Variants in GPRC6A observed in about 807,000 individuals in gnomAD.
GPRC6A encodes G protein-coupled receptor class C group 6 member A.
A neutral mutation model predicts 47.0 loss-of-function variants in GPRC6A; 54 were observed. The observed-to-expected ratio is 1.15, with a 90% confidence interval of 0.92 to 1.44. GPRC6A has a LOEUF of 1.44. Ranked by LOEUF, GPRC6A falls within the 40% of genes most tolerant of loss-of-function variation. The probability of loss-of-function intolerance (pLI) is 0.00; values close to 1 mark genes in which losing one functional copy is unlikely to be tolerated. For synonymous variants in GPRC6A, 347 were observed against 377.1 expected, an observed-to-expected ratio of 0.92 and a Z score of 0.93; for missense variants, 1,112 against 1,105.5, an observed-to-expected ratio of 1.01 and a Z score of -0.08.
In GPRC6A at chr6:116,807,114, T is replaced by C; in HGVS notation, c.591A>G (p.Lys197=). 2 of 1,613,710 alleles carry C rather than the reference T, an allele frequency of 1.2e-6. No individual in the cohort carries two copies. The highest frequency in any genetic ancestry group is 1.7e-6 in the Non-Finnish European group (2 of 1,179,718). Reference sequence around the variant, plus strand: ...ATTTCTGAATCAGGTGAGCCATTGCTTTAATTTGATGGAAGTCACTGGGCA... The same window carrying C: ...ATTTCTGAATCAGGTGAGCCATTGCCTTAATTTGATGGAAGTCACTGGGCA... ...RTVPSDFHQI[K]AMAHLIQKSG... The change falls in exon 3 of 6, where the codon AAA becomes AAG. Residue 197 remains lysine, a synonymous_variant. Transcript: ENST00000310357.
intron 5 of GPRC6A, 117 bp downstream of exon 5, chr6:116,795,595 A>G (rs1370607686): frequency 1.3e-6 from 1 of 748,166 alleles, no homozygotes; most frequent in African/African-American, 1.8e-5. Context: ...ATTTCACAGG[A>G]GCATGGGAAG....
chr6:116,796,465 G>C (rs1512657), intron 4 of GPRC6A, among the ~76,000 whole-genome samples: 112,264 of 152,004 alleles, frequency 0.74, 41,671 homozygotes, highest in Middle Eastern at 0.84. Context: ...TTATGGAACC[G>C]TAGCTGGTAA....
chr6:116,804,997 AG>A (rs1265485833), intron 3 of GPRC6A, among the ~76,000 whole-genome samples: 4 of 152,036 alleles, frequency 2.6e-5, no homozygotes, highest in East Asian at 3.9e-4. Context: ...CCAGGCCAAA[AG>A]CCTTGAAATA....
chr6:116,829,018 C>T lies in GPRC6A; in HGVS notation c.-5G>A, dbSNP rs748438281. The T allele has an allele frequency of 3.0e-5, 49 of 1,608,286 alleles. No homozygotes were observed. Among genetic ancestry groups the T allele is most frequent in the Non-Finnish European group, 4.1e-5 (48 of 1,176,844 alleles). On this transcript the variant is annotated 5_prime_UTR_variant, in exon 1 of 6. The change abolishes the stop of an existing upstream ORF in the 5' untranslated region. Transcript: ENST00000310357. ...TAGTATAATTAAGAATGCCATGTTTCTATCTCATTTGCTCAGTTCATGTGA... is the reference window on the plus strand; with the variant it reads ...TAGTATAATTAAGAATGCCATGTTTTTATCTCATTTGCTCAGTTCATGTGA...
chr6:116,792,771 T>C lies in GPRC6A; in HGVS notation c.2152A>G (p.Ile718Val). The C allele has an allele frequency of 6.2e-7, 1 of 1,613,976 alleles. No homozygotes were observed. The highest frequency in any genetic ancestry group is 8.5e-7 in the Non-Finnish European group (1 of 1,179,958). The change falls in exon 6 of 6, where the codon ATT becomes GTT. Residue 718 changes from isoleucine to valine, a missense_variant. Coordinates refer to ENST00000310357, the MANE Select transcript of GPRC6A (RefSeq NM_148963.4). ...IFTCTGIQVV[I>V]CTLWLIFAAP... ...GCAAAGATTAGCCAGAGTGTGCAAATGACAACCTGGATGCCCGTGCAAGTG... is the reference window on the plus strand; with the variant it reads ...GCAAAGATTAGCCAGAGTGTGCAAACGACAACCTGGATGCCCGTGCAAGTG...
intron 1 of GPRC6A, among the ~76,000 whole-genome samples, chr6:116,816,906 A>G (rs1379581344): frequency 6.6e-6 from 1 of 152,150 alleles, no homozygotes; most frequent in Non-Finnish European, 1.5e-5. Context: ...AATCTCACTG[A>G]TTGCTAGCAC....
At chr6:116,795,918 G>C in intron 4 of GPRC6A, 83 bp from the exon 5 acceptor site, 1 of 885,516 alleles carries the variant, frequency 1.1e-6, no homozygotes, top group South Asian at 2.1e-5. Context: ...TTAACTTAAA[G>C]ATATATTTAC....
chr6:116,828,463 A>G (rs1773739310), intron 1 of GPRC6A, among the ~76,000 whole-genome samples: 1 of 152,156 alleles, frequency 6.6e-6, no homozygotes, highest in Non-Finnish European at 1.5e-5. Flanking sequence ...ATCTGTGTTT[A>G]AAACAAAATA....
At chr6:116,804,421 T>A (rs1398828818) in intron 3 of GPRC6A, among the ~76,000 whole-genome samples, 2 of 152,252 alleles carry the variant, frequency 1.3e-5, no homozygotes, top group Admixed American at 6.5e-5. Flanking sequence ...TCCTTAAGAA[T>A]GTATCATTGA....
At position 116,807,029 on chromosome 6, in the gene GPRC6A, TA is replaced by T. The variant is rs1398700381; in HGVS notation, c.675del (p.Asn226ThrfsTer4). On this transcript the variant is annotated frameshift_variant, in exon 3 of 6. Coordinates refer to ENST00000310357, the MANE Select transcript of GPRC6A (RefSeq NM_148963.4). LOFTEE classifies it high-confidence loss of function. ...GCTTCAGCCTGAATTATAAAAGTGT[TA>T]AGAGCCAATCGTCCATAGTCATCAT... The part of the protein sequence containing the change: ...TTDDDYGRLA[L>X]NTFIIQAEAN... 1 of 1,613,646 alleles carries T rather than the reference TA, an allele frequency of 6.2e-7. No homozygotes were observed. Among genetic ancestry groups the T allele is most frequent in the Non-Finnish European group, 8.5e-7 (1 of 1,179,816 alleles).
intron 1 of GPRC6A, among the ~76,000 whole-genome samples, chr6:116,814,838 C>T (rs1165144697): frequency 6.6e-6 from 1 of 151,906 alleles, no homozygotes; most frequent in African/African-American, 2.4e-5. Context: ...AAGAAATGCA[C>T]TTTACATATA....
At chr6:116,813,943 G>C (rs983568550) in intron 1 of GPRC6A, among the ~76,000 whole-genome samples, 1 of 152,126 alleles carries the variant, frequency 6.6e-6, no homozygotes, top group East Asian at 1.9e-4. Flanking sequence ...AGTGGGTGAA[G>C]GATATGAACA....
intron 5 of GPRC6A, among the ~76,000 whole-genome samples, chr6:116,794,085 T>C (rs901023933): frequency 6.6e-6 from 1 of 152,198 alleles, no homozygotes; most frequent in Non-Finnish European, 1.5e-5. Context: ...GAAGTGATAT[T>C]ACATTTGCTC....
In GPRC6A at chr6:116,792,507, ATGTGG is replaced by A. The variant is rs767181113; in HGVS notation, c.2411_2415del (p.Thr804IlefsTer17). On this transcript the variant is annotated frameshift_variant, in exon 6 of 6. Transcript: ENST00000310357. LOFTEE classifies it low-confidence loss of function (END_TRUNC). ...TCCACAGCTGGTACATATTTGCCAA[ATGTGG>A]TAGCATAGATAGGGATGAATGTGAT... is the stretch of plus-strand genomic sequence containing the variant. The A allele has an allele frequency of 6.2e-7, 1 of 1,613,870 alleles. No homozygotes were observed. The highest frequency in any genetic ancestry group is 8.5e-7 in the Non-Finnish European group (1 of 1,179,838).
At chr6:116,819,774 C>T (rs976412903) in intron 1 of GPRC6A, among the ~76,000 whole-genome samples, 53 of 151,284 alleles carry the variant, frequency 3.5e-4, no homozygotes, top group Non-Finnish European at 5.2e-4. Context: ...CCAAAATTGA[C>T]ACCCTAACAT....
chr6:116,812,040 G>T (rs1278912551), intron 1 of GPRC6A, among the ~76,000 whole-genome samples: 1 of 152,132 alleles, frequency 6.6e-6, no homozygotes, highest in Non-Finnish European at 1.5e-5. Flanking sequence ...TCCCTAAACA[G>T]ATACAATGCA....
At chr6:116,798,587 G>C (rs1352033365) in intron 4 of GPRC6A, among the ~76,000 whole-genome samples, 1 of 152,052 alleles carries the variant, frequency 6.6e-6, no homozygotes, top group East Asian at 1.9e-4. Flanking sequence ...TCTCTGTTTT[G>C]AAAACAGACT....
chr6:116,800,521 G>A, intron 4 of GPRC6A, 63 bp downstream of exon 4: 2 of 1,005,790 alleles, frequency 2.0e-6, no homozygotes, highest in East Asian at 2.4e-5. Flanking sequence ...TGGGGGCCAA[G>A]GACTTTTGCA....
In GPRC6A at chr6:116,807,053, C is replaced by T. The variant is rs755399923; in HGVS notation, c.652G>A (p.Asp218Asn). 7 of 1,613,668 alleles carry T rather than the reference C, an allele frequency of 4.3e-6. No individual in the cohort carries two copies. Among genetic ancestry groups the T allele is most frequent in the Non-Finnish European group, 5.1e-6 (6 of 1,179,782 alleles). The change falls in exon 3 of 6, where the codon GAT (aspartate) becomes AAT (asparagine). Residue 218 changes from aspartate to asparagine, a missense_variant. Physicochemically the swap from Asp to Asn is conservative, Grantham distance 23. Transcript: ENST00000310357. The stretch of plus-strand genomic sequence containing the variant: ...TTAAGAGCCAATCGTCCATAGTCAT[C>T]ATCTGTGGTTATGATGCCAATCCAG... ...WNWIGIITTD[D>N]DYGRLALNTF...
Sources: gnomAD v4.1 joint callset for allele counts (sites outside exome capture counted in the v4.1 genomes callset) on GRCh38, gnomAD v4.1.1 for gene constraint, MANE v1.5 for transcripts, NCBI Gene and HGNC (gene_info 2026-07-23, HGNC 2026-07-21) for gene names.